Variants in CHIC1 observed in about 807,000 individuals in gnomAD.
CHIC1 encodes the protein cysteine-rich hydrophobic domain-containing protein 1.
CHIC1 carries 7 observed loss-of-function variants against 18.5 expected under a neutral mutation model. That is an observed-to-expected ratio of 0.38 (90% CI 0.22 to 0.71). The LOEUF is 0.71. Among genes scored for constraint, CHIC1 ranks in the 30% least tolerant of loss-of-function variants. CHIC1 has a pLI of 0.49. For synonymous variants in CHIC1, 77 were observed against 73.5 expected (o/e 1.05, Z -0.25); for missense variants, 159 against 176.9 (o/e 0.90, Z 0.57).
At chrX:73,630,374 G>T (rs1163954249) in intron 3 of CHIC1, among the ~76,000 whole-genome samples, 1 of 111,431 alleles carries the variant, frequency 9.0e-6, no homozygotes, top group African/African-American at 3.3e-5. Context: ...GATGTTACCT[G>T]TGTGCTTGTC....
intron 3 of CHIC1, among the ~76,000 whole-genome samples, chrX:73,653,207 A>T (rs1004818199): frequency 9.5e-6 from 1 of 105,523 alleles, no homozygotes; most frequent in Non-Finnish European, 1.9e-5. Context: ...GGAACAACAC[A>T]CTCTGGGGTC....
rs551378717 is a variant in CHIC1 at position 73,662,004 on chromosome X, A to G, written c.508-17322A>G. On this transcript the variant is annotated intron_variant, in intron 3 of 5. Coordinates refer to ENST00000373502, the MANE Select transcript of CHIC1 (RefSeq NM_001039840.4). ...GTATACATATGTAACTAACCTGCAC[A>G]CTGTGCACATGTACCCTAAAACTTA... Among the ~76,000 whole-genome samples the G allele has an allele frequency of 9.1e-5, 10 of 109,983 alleles. No individual in the cohort carries two copies. In the South Asian group the frequency reaches 3.1e-3, roughly 34 times the overall value.
chrX:73,597,687 G>A (rs994188566), intron 3 of CHIC1, among the ~76,000 whole-genome samples: 4 of 107,913 alleles, frequency 3.7e-5, no homozygotes, highest in Admixed American at 2.0e-4. Flanking sequence ...TTGTTACCTA[G>A]GTATACACAT....
At chrX:73,647,018 G>C (rs1233380408) in intron 3 of CHIC1, among the ~76,000 whole-genome samples, 3 of 111,614 alleles carry the variant, frequency 2.7e-5, no homozygotes, top group Non-Finnish European at 5.6e-5. Flanking sequence ...TCTGCATATG[G>C]ATATCCAGTT....
At chrX:73,596,825 A>T (rs1182249245) in intron 3 of CHIC1, among the ~76,000 whole-genome samples, 2 of 111,859 alleles carry the variant, frequency 1.8e-5, no homozygotes, top group African/African-American at 6.5e-5. Flanking sequence ...GGCTAGCCAT[A>T]TGCAGAAAAC....
chrX:73,626,472 C>G (rs1220653600), intron 3 of CHIC1, among the ~76,000 whole-genome samples: 1 of 110,735 alleles, frequency 9.0e-6, no homozygotes, highest in Non-Finnish European at 1.9e-5. Context: ...TGTTGGCATG[C>G]TTTACGGTTT....
At chrX:73,570,447 T>A (rs1055146528) in intron 1 of CHIC1, among the ~76,000 whole-genome samples, 6 of 111,147 alleles carry the variant, frequency 5.4e-5, no homozygotes, top group Admixed American at 2.9e-4. Context: ...GTAAGCAAGA[T>A]GCAAAACATA....
chrX:73,644,323 C>T (rs1026141412), intron 3 of CHIC1, among the ~76,000 whole-genome samples: 39 of 112,312 alleles, frequency 3.5e-4, no homozygotes, highest in African/African-American at 1.2e-3. Context: ...TTAGGCTGCT[C>T]GGGGGTCAGG....
At chrX:73,660,866 G>A (rs1196663115) in intron 3 of CHIC1, among the ~76,000 whole-genome samples, 1 of 111,701 alleles carries the variant, frequency 9.0e-6, no homozygotes, top group Non-Finnish European at 1.9e-5. Context: ...TCCATAAAAC[G>A]GTGGGCTTTA....
Position 73,680,497 on chromosome X carries a change from AT to A in CHIC1, c.625-453del, listed in dbSNP as rs1321051520. Among the ~76,000 whole-genome samples the A allele has an allele frequency of 6.3e-5, 7 of 111,598 alleles. 1 individual carries two copies. Among genetic ancestry groups the A allele is most frequent in the Non-Finnish European group, 5.7e-5 (3 of 52,895 alleles). On this transcript the variant is annotated intron_variant, in intron 5 of 5. Transcript: ENST00000373502. ...TTACTCAATCCATTTGGGCACATTA[AT>A]TTTTCACAACTTGTGAACGATAGTA... is the stretch of plus-strand genomic sequence containing the variant.
At chrX:73,642,158 T>G (rs369003124) in intron 3 of CHIC1, among the ~76,000 whole-genome samples, 1 of 111,536 alleles carries the variant, frequency 9.0e-6, no homozygotes, top group Non-Finnish European at 1.9e-5. Flanking sequence ...GTTCCTATTT[T>G]TCCACATCCT....
intron 3 of CHIC1, among the ~76,000 whole-genome samples, chrX:73,658,390 T>A (rs1199921437): frequency 9.6e-6 from 1 of 103,775 alleles, no homozygotes; most frequent in Non-Finnish European, 2.0e-5. Flanking sequence ...CCCAGGAAAA[T>A]ATCCGTTTCT....
At chrX:73,637,531 C>T (rs1273750823) in intron 3 of CHIC1, among the ~76,000 whole-genome samples, 2 of 110,331 alleles carry the variant, frequency 1.8e-5, no homozygotes, top group Non-Finnish European at 3.8e-5. Context: ...CTCACAAGTC[C>T]CATAGTCCCT....
intron 3 of CHIC1, among the ~76,000 whole-genome samples, chrX:73,675,537 GA>G (rs2058057321): frequency 9.0e-6 from 1 of 111,528 alleles, no homozygotes; most frequent in Non-Finnish European, 1.9e-5. Context: ...TGTTTTATCA[GA>G]GACTAGGATT....
intron 3 of CHIC1, among the ~76,000 whole-genome samples, chrX:73,629,955 T>C (rs1361334915): frequency 8.9e-6 from 1 of 112,174 alleles, no homozygotes; most frequent in African/African-American, 3.2e-5. Flanking sequence ...ATTTGTGTCT[T>C]CTTCAATTTC....
At position 73,683,537 on chromosome X, in the gene CHIC1, A is replaced by G. The variant is rs2058108320; in HGVS notation, c.*2532A>G. ...TTTTTTCTGTTATGCTTAGGATAGA[A>G]CATACTTGTAATTTTCCATTAGGTT... On this transcript the variant is annotated 3_prime_UTR_variant, in exon 6 of 6. Coordinates refer to ENST00000373502, the MANE Select transcript of CHIC1 (RefSeq NM_001039840.4). 2 of 111,592 alleles carry G rather than the reference A, an allele frequency of 1.8e-5. No homozygotes were observed. The highest frequency in any genetic ancestry group is 6.5e-5 in the African/African-American group (2 of 30,800). The allele number at this position is 111,592 out of a possible 1,213,427, so 9.2% of individuals were successfully genotyped here. A position where few individuals can be genotyped will look rare whatever the true frequency, so the allele number is the denominator to read the frequency against.
chrX:73,659,370 C>CTTTTTTTTTTT (rs149705423), intron 3 of CHIC1, among the ~76,000 whole-genome samples: 1 of 35,183 alleles, frequency 2.8e-5, no homozygotes, highest in African/African-American at 1.1e-4. Flanking sequence ...TTCCCCTTTT[C>CTTTTTTTTTTT]TTTTTTTTTT....
rs1194019750 is a variant in CHIC1, at chrX:73,685,704, T to A, written c.*4699T>A. On this transcript the variant is annotated 3_prime_UTR_variant, in exon 6 of 6. Coordinates refer to ENST00000373502, the MANE Select transcript of CHIC1 (RefSeq NM_001039840.4). ...GTGCTTTGAAGTTGACTGAAAGATA[T>A]ACTGGATATCATAATTATATAATTT... 1 of 111,919 alleles carries A rather than the reference T, an allele frequency of 8.9e-6. No individual in the cohort carries two copies. The highest frequency in any genetic ancestry group is 9.5e-5 in the Admixed American group (1 of 10,490). The allele number at this position is 111,919 out of a possible 1,213,427, so 9.2% of individuals were successfully genotyped here.
intron 3 of CHIC1, among the ~76,000 whole-genome samples, chrX:73,656,522 C>CT (rs1177052094): frequency 1.8e-5 from 2 of 111,679 alleles, no homozygotes; most frequent in East Asian, 5.6e-4. Context: ...TTGCATATGG[C>CT]TAGCCAGTTC....
Sources: gnomAD v4.1 joint callset for allele counts (sites outside exome capture counted in the v4.1 genomes callset) on GRCh38, gnomAD v4.1.1 for gene constraint, MANE v1.5 for transcripts, NCBI Gene and HGNC (gene_info 2026-07-23, HGNC 2026-07-21) for gene names.